Variants in RBFOX1 observed in about 807,000 individuals in gnomAD.
RBFOX1 encodes the protein RNA binding fox-1 homolog 1.
RBFOX1 carries 8 observed loss-of-function variants against 57.7 expected under a neutral mutation model. The observed-to-expected ratio is 0.14, with a 90% CI of 0.08 to 0.25. The LOEUF (loss-of-function observed/expected upper bound fraction) is 0.25. Among genes scored for constraint, RBFOX1 ranks in the 10% least tolerant of loss-of-function variants. The pLI, the probability that RBFOX1 is intolerant of heterozygous loss-of-function variation, is 1.00. For missense variants in RBFOX1, 611 were observed against 548.5 expected (o/e 1.11, Z -1.14); for synonymous variants, 326 against 222.4 (o/e 1.47, Z -4.15).
intron 1 of RBFOX1, among the ~76,000 whole-genome samples, chr16:5,283,057 C>G (rs1377825095): frequency 1.3e-5 from 2 of 152,184 alleles, no homozygotes; most frequent in Non-Finnish European, 2.9e-5. Flanking sequence ...CCAGCTGCAG[C>G]TAAAAGGAGC....
chr16:5,595,275 A>G (rs926279734), intron 2 of RBFOX1, among the ~76,000 whole-genome samples: 3 of 152,200 alleles, frequency 2.0e-5, no homozygotes, highest in Admixed American at 1.3e-4. Flanking sequence ...GCCCATGACA[A>G]ATCTGTATTG....
intron 1 of RBFOX1, among the ~76,000 whole-genome samples, chr16:6,100,148 T>A (rs1004821423): frequency 3.3e-5 from 5 of 151,306 alleles, no homozygotes; most frequent in African/African-American, 1.2e-4. Flanking sequence ...TTGTTTTTTT[T>A]GTTGTTGTTT....
At chr16:6,938,180 C>G (rs971028575) in intron 3 of RBFOX1, among the ~76,000 whole-genome samples, 5 of 152,290 alleles carry the variant, frequency 3.3e-5, no homozygotes, top group African/African-American at 1.2e-4. Flanking sequence ...TCTGGATTTA[C>G]TTTCCTAGTG....
At chr16:6,538,390 GC>G (rs533423793) in intron 2 of RBFOX1, among the ~76,000 whole-genome samples, 97 of 152,284 alleles carry the variant, frequency 6.4e-4, no homozygotes, top group South Asian at 2.1e-3. Flanking sequence ...TACTTGGGTG[GC>G]TGAGGTGGGA....
chr16:6,135,985 G>C (rs1037975899), intron 1 of RBFOX1, among the ~76,000 whole-genome samples: 2 of 151,676 alleles, frequency 1.3e-5, no homozygotes, highest in Non-Finnish European at 2.9e-5. Flanking sequence ...AGTAGAGATG[G>C]GTTTTCACCA....
chr16:7,497,607 C>A (rs1260644774), intron 4 of RBFOX1, among the ~76,000 whole-genome samples: 1 of 152,174 alleles, frequency 6.6e-6, no homozygotes, highest in African/African-American at 2.4e-5. Context: ...TTATTGTGAA[C>A]CTACTGGGGA....
At chr16:6,842,534 T>C (rs1281350442) in intron 3 of RBFOX1, among the ~76,000 whole-genome samples, 2 of 152,168 alleles carry the variant, frequency 1.3e-5, no homozygotes, top group East Asian at 1.9e-4. Flanking sequence ...TTCAGCTTGA[T>C]GAATATCTGT....
At chr16:7,341,925 A>G (rs1398084594) in intron 4 of RBFOX1, among the ~76,000 whole-genome samples, 1 of 151,372 alleles carries the variant, frequency 6.6e-6, no homozygotes, top group East Asian at 2.0e-4. Context: ...CAACACACCC[A>G]CTGCTGTGGG....
intron 3 of RBFOX1, among the ~76,000 whole-genome samples, chr16:6,985,727 A>C (rs536072942): frequency 9.3e-5 from 14 of 151,260 alleles, no homozygotes; most frequent in Non-Finnish European, 2.1e-4. Flanking sequence ...TCAGCTACTC[A>C]AGAGGCTGAG....
intron 3 of RBFOX1, among the ~76,000 whole-genome samples, chr16:6,881,734 C>G (rs958572081): frequency 3.9e-5 from 6 of 152,136 alleles, no homozygotes; most frequent in African/African-American, 9.7e-5. Context: ...ACACATCACA[C>G]TGGGTGCCTA....
rs150453091 is a variant in RBFOX1, at chr16:5,423,619, G to A, written c.220-43597G>A. Among the ~76,000 whole-genome samples, 309 of 152,276 alleles carry A rather than the reference G, an allele frequency of 2.0e-3. 1 individual carries two copies. The highest frequency in any genetic ancestry group is 7.1e-3 in the African/African-American group (297 of 41,544). ...GCCATTGCTGCCTGTCTGTGAGCAG[G>A]GGCGGCCCATCCTGCCTGTGCTGCT... On this transcript the variant is annotated intron_variant, in intron 1 of 2. Transcript: ENST00000585867.
intron 3 of RBFOX1, among the ~76,000 whole-genome samples, chr16:6,913,509 C>G (rs969016109): frequency 4.6e-5 from 7 of 152,164 alleles, no homozygotes; most frequent in Non-Finnish European, 7.3e-5. Context: ...GCCCCATCAT[C>G]TGCAGTGCCC....
intron 5 of RBFOX1, among the ~76,000 whole-genome samples, chr16:7,551,444 G>C (rs1757446705): frequency 1.3e-5 from 2 of 152,182 alleles, no homozygotes; most frequent in African/African-American, 4.8e-5. Context: ...AGGAATATTT[G>C]GGGCGCACTT....
At chr16:7,298,324 T>C (rs1275881499) in intron 4 of RBFOX1, among the ~76,000 whole-genome samples, 1 of 150,410 alleles carries the variant, frequency 6.6e-6, no homozygotes, top group Non-Finnish European at 1.5e-5. Context: ...ACTCACTCTT[T>C]TGCCCAGGCT....
chr16:7,531,695 T>G (rs912622223), intron 5 of RBFOX1, among the ~76,000 whole-genome samples: 4 of 152,210 alleles, frequency 2.6e-5, no homozygotes, highest in African/African-American at 9.7e-5. Flanking sequence ...GAAGCAAATG[T>G]AAACATAGGC....
chr16:7,064,485 A>C (rs2055432371), intron 4 of RBFOX1, among the ~76,000 whole-genome samples: 1 of 151,914 alleles, frequency 6.6e-6, no homozygotes, highest in Non-Finnish European at 1.5e-5. Flanking sequence ...TGTTCTTATA[A>C]GAAGAGGAGA....
At chr16:6,369,938 T>G (rs1031511996) in intron 2 of RBFOX1, among the ~76,000 whole-genome samples, 1 of 152,204 alleles carries the variant, frequency 6.6e-6, no homozygotes, top group East Asian at 1.9e-4. Context: ...TTGATGGCAG[T>G]TTTGTTCATG....
At chr16:6,839,838 A>G (rs1444422811) in intron 3 of RBFOX1, among the ~76,000 whole-genome samples, 1 of 152,198 alleles carries the variant, frequency 6.6e-6, no homozygotes, top group Non-Finnish European at 1.5e-5. Flanking sequence ...CTATAATCAT[A>G]CCTCTGTTCT....
intron 4 of RBFOX1, among the ~76,000 whole-genome samples, chr16:7,471,972 A>T (rs1397042901): frequency 3.3e-5 from 5 of 152,150 alleles, no homozygotes. Flanking sequence ...GGTGCTTGGG[A>T]CTGGATCTTT....
Sources: gnomAD v4.1 joint callset for allele counts (sites outside exome capture counted in the v4.1 genomes callset) on GRCh38, gnomAD v4.1.1 for gene constraint, MANE v1.5 for transcripts, NCBI Gene and HGNC (gene_info 2026-07-23, HGNC 2026-07-21) for gene names.